Variants in LAMA1 observed in about 807,000 individuals in gnomAD.
LAMA1 encodes laminin subunit alpha-1.
Under a neutral mutation model 348.7 loss-of-function variants are expected in LAMA1, and 219 were observed. That is an observed-to-expected ratio of 0.63 (90% CI 0.56 to 0.70). The LOEUF (loss-of-function observed/expected upper bound fraction) is 0.70, where lower values mean the gene tolerates loss of function less well. Ranked by LOEUF, LAMA1 falls within the 30% of genes least tolerant of loss-of-function variation. The pLI is 0.00. For missense variants in LAMA1, 3,744 were observed against 3,888.0 expected, an observed-to-expected ratio of 0.96 and a Z score of 0.99; for synonymous variants, 1,487 against 1,491.0, an observed-to-expected ratio of 1.00 and a Z score of 0.06.
chr18:7,108,119 C>G (rs138121940), intron 1 of LAMA1, among the ~76,000 whole-genome samples: 1 of 151,754 alleles, frequency 6.6e-6, no homozygotes. Context: ...AGGTGGATCA[C>G]GAGGTCAGGA....
intron 24 of LAMA1, 93 bp downstream of exon 24, chr18:7,011,902 T>C (rs2057862071): frequency 1.4e-6 from 2 of 1,474,656 alleles, no homozygotes; most frequent in South Asian, 1.3e-5. Flanking sequence ...AAGAGCAAAA[T>C]TTAATGTGAA....
chr18:7,083,191 A>T (rs2058200126), intron 1 of LAMA1, among the ~76,000 whole-genome samples: 1 of 112,840 alleles, frequency 8.9e-6, no homozygotes, highest in Non-Finnish European at 1.8e-5. Context: ...ATATATATAT[A>T]CATTTTTTTT....
intron 1 of LAMA1, among the ~76,000 whole-genome samples, chr18:7,083,316 G>T (rs1039761014): frequency 6.6e-6 from 1 of 151,464 alleles, no homozygotes; most frequent in African/African-American, 2.4e-5. Flanking sequence ...CTCCTGAGTA[G>T]CTGGGATTAC....
Position 7,011,465 on chromosome 18 carries a change from G to A in LAMA1, c.3522C>T (p.Ser1174=), listed in dbSNP as rs139418084. The A allele has an allele frequency of 7.0e-4, 1,124 of 1,604,764 alleles. 14 individuals carry two copies. The South Asian group carries it at 9.6e-3, about 14-fold the overall frequency. The stretch of plus-strand genomic sequence containing the variant: ...AAACCACACGCAGAAGAGGCTGATC[G>A]GAGCCCAGCGTTACCTAAACCACGA... ...DYVRTPVTLG[S]DQPLLRVVSQ... Residue 1174 remains serine, a synonymous_variant, in exon 25 of 63, where the codon TCC becomes TCT. Transcript: ENST00000389658.
intron 1 of LAMA1, among the ~76,000 whole-genome samples, chr18:7,110,972 TAGAG>T (rs61061510): frequency 0.13 from 19,940 of 151,352 alleles, 3,464 homozygotes; most frequent in African/African-American, 0.4. Flanking sequence ...GCTATTGTCA[TAGAG>T]AATCTCCTGA....
rs77811721 is a variant in LAMA1 at position 7,050,848 on chromosome 18, G to T, written c.434C>A (p.Thr145Lys). The change falls in exon 4 of 63, where the codon ACG becomes AAG. Residue 145 changes from threonine to lysine, a missense_variant. Transcript: ENST00000389658. ...WILERSLDGT[T>K]FSPWQYYAVS... ...TGCATAATACTGCCAGGGGCTGAAC[G>T]TGGTGCCATCCAGAGAACGCTCCAA... 2 of 1,614,166 alleles carry T rather than the reference G, an allele frequency of 1.2e-6. No individual in the cohort carries two copies. The highest frequency in any genetic ancestry group is 4.5e-5 in the East Asian group (2 of 44,880).
chr18:6,948,628 AC>A, intron 59 of LAMA1, 72 bp from the exon 60 acceptor site: 2 of 1,545,902 alleles, frequency 1.3e-6, no homozygotes, highest in Non-Finnish European at 1.8e-6. Flanking sequence ...TTTTCCTTCC[AC>A]TTCATCAGAC....
At chr18:7,064,049 T>C (rs1005947184) in intron 3 of LAMA1, among the ~76,000 whole-genome samples, 1 of 152,074 alleles carries the variant, frequency 6.6e-6, no homozygotes, top group Admixed American at 6.6e-5. Context: ...TGCTGATGTC[T>C]AGTGTTTTTT....
At chr18:6,946,050 T>C (rs1411635167) in intron 61 of LAMA1, among the ~76,000 whole-genome samples, 1 of 151,970 alleles carries the variant, frequency 6.6e-6, no homozygotes, top group Non-Finnish European at 1.5e-5. Flanking sequence ...ATTGTGGAGT[T>C]CATTTTGTTG....
At chr18:6,975,790 G>A in intron 45 of LAMA1, 147 bp downstream of exon 45, 2 of 907,994 alleles carry the variant, frequency 2.2e-6, no homozygotes, top group Non-Finnish European at 3.5e-6. Context: ...TTCATCTAAT[G>A]CTACCATTTT....
At chr18:7,015,057 C>T (rs969310542) in intron 22 of LAMA1, among the ~76,000 whole-genome samples, 25 of 152,212 alleles carry the variant, frequency 1.6e-4, no homozygotes, top group African/African-American at 6.0e-4. Flanking sequence ...ACCGTGTTAG[C>T]CAGGATGGTC....
At chr18:7,042,320 G>A (rs969205084) in intron 8 of LAMA1, 70 bp from the exon 9 acceptor site, 14 of 914,166 alleles carry the variant, frequency 1.5e-5, no homozygotes, top group Non-Finnish European at 1.2e-5. Context: ...GTATAAATAA[G>A]AAGGTATTGG....
intron 3 of LAMA1, among the ~76,000 whole-genome samples, chr18:7,078,312 G>T (rs1000160537): frequency 6.6e-6 from 1 of 150,936 alleles, no homozygotes; most frequent in South Asian, 2.1e-4. Flanking sequence ...GACTACAGGC[G>T]CCTGCCACCA....
In LAMA1 at chr18:7,095,122, T is replaced by TTCTCTCTCTCTCTCTC. The variant is rs71165720; in HGVS notation, c.62-14681_62-14666dup. ...CTGTTCCCTGGTTGCCTCAGGACCT[T>TTCTCTCTCTCTCTCTC]TCTCTCTCTCTCTCTCTCTCTCTCT... On this transcript the variant is annotated intron_variant, in intron 1 of 62. Transcript: ENST00000389658. Among the ~76,000 whole-genome samples the TTCTCTCTCTCTCTCTC allele has an allele frequency of 1.7e-4, 22 of 126,562 alleles. 1 individual carries two copies. Among genetic ancestry groups the TTCTCTCTCTCTCTCTC allele is most frequent in the African/African-American group, 6.8e-4 (22 of 32,460 alleles). 83.0% of individuals were successfully genotyped at this position (126,562 alleles called of 152,430 possible).
At position 7,050,847 on chromosome 18, in the gene LAMA1, C is replaced by T. The variant is rs200618216; in HGVS notation, c.435G>A (p.Thr145=). The T allele has an allele frequency of 2.1e-4, 334 of 1,614,126 alleles. 2 individuals carry two copies. In the East Asian group the frequency reaches 5.8e-3, roughly 28 times the overall value. ...CTGCATAATACTGCCAGGGGCTGAA[C>T]GTGGTGCCATCCAGAGAACGCTCCA... ...WILERSLDGT[T]FSPWQYYAVS... is the part of the protein sequence containing the mutation. Residue 145 remains threonine, a synonymous_variant, in exon 4 of 63, where the codon ACG becomes ACA. Coordinates refer to ENST00000389658, the MANE Select transcript of LAMA1 (RefSeq NM_005559.4).
chr18:7,014,970 C>T lies in LAMA1; in HGVS notation c.3126+752G>A, dbSNP rs1305321493. On this transcript the variant is annotated intron_variant, in intron 22 of 62. Coordinates refer to ENST00000389658, the MANE Select transcript of LAMA1 (RefSeq NM_005559.4). ...CACGTCGTTCTCCTGCCTCAGCCTCCTGAGTAGCTGGGACTACAGGCGCCC... is the reference window on the plus strand; with the variant it reads ...CACGTCGTTCTCCTGCCTCAGCCTCTTGAGTAGCTGGGACTACAGGCGCCC... Among the ~76,000 whole-genome samples, 7 of 152,230 alleles carry T rather than the reference C, an allele frequency of 4.6e-5. No individual in the cohort carries two copies. In the East Asian group the frequency reaches 7.7e-4, roughly 17 times the overall value.
At chr18:6,942,400 T>C (rs1442167259) in intron 62 of LAMA1, among the ~76,000 whole-genome samples, 161 bp from the exon 63 acceptor site, 1 of 152,148 alleles carries the variant, frequency 6.6e-6, no homozygotes, top group Admixed American at 6.5e-5. Flanking sequence ...TGTCAGTGAC[T>C]AGCAGAATTC....
Position 6,993,686 on chromosome 18 carries a change from G to T in LAMA1, c.4963C>A (p.Gln1655Lys). ...CTCTCAATGGCTATGGCCAGGTCTT[G>T]ACTCTCCTTGAAGATTCTCTCAGTT... ...RATERIFKES[Q>K]DLAIAIERLQ... The change falls in exon 35 of 63, where the codon CAA becomes AAA. Residue 1655 changes from glutamine (Q) to lysine (K), a missense_variant. Gln to Lys is a moderately conservative substitution (Grantham distance 53). Transcript: ENST00000389658. The T allele has an allele frequency of 6.2e-7, 1 of 1,614,032 alleles. No homozygotes were observed.
intron 23 of LAMA1, among the ~76,000 whole-genome samples, chr18:7,013,022 G>A (rs1379492329): frequency 1.3e-5 from 2 of 151,712 alleles, no homozygotes; most frequent in Admixed American, 6.6e-5. Context: ...TTAGCCAGGC[G>A]TGGTGGTGGG....
Sources: allele counts gnomAD v4.1 joint callset (sites outside exome capture counted in the v4.1 genomes callset), GRCh38; gene constraint gnomAD v4.1.1; transcripts MANE v1.5; gene names NCBI Gene and HGNC (gene_info 2026-07-23, HGNC 2026-07-21).